Variants in TSPAN15 observed in about 807,000 individuals in gnomAD.
The protein encoded by TSPAN15 is tetraspanin-15.
In TSPAN15, 20 loss-of-function variants were observed where a neutral mutation model predicts 34.5. The ratio of observed to expected loss-of-function variants is 0.58; its 90% CI spans 0.41 to 0.84. TSPAN15 has a LOEUF of 0.84. Among genes scored for constraint, TSPAN15 ranks in the 40% least tolerant of loss-of-function variants. The pLI, the probability that TSPAN15 is intolerant of heterozygous loss-of-function variation, is 0.00. For missense variants in TSPAN15, 313 were observed against 386.1 expected, an observed-to-expected ratio of 0.81 and a Z score of 1.59; for synonymous variants, 155 against 153.9, an observed-to-expected ratio of 1.01 and a Z score of -0.05.
the TSPAN15 span, among the ~76,000 whole-genome samples, chr10:69,546,100 T>C: frequency 1.3e-5 from 2 of 152,230 alleles, no homozygotes; most frequent in African/African-American, 2.4e-5. Context: ...CTTCACCTCC[T>C]TGTGGCATTT....
At chr10:69,539,557 G>C in the TSPAN15 span, among the ~76,000 whole-genome samples, 1 of 90,220 alleles carries the variant, frequency 1.1e-5, no homozygotes, top group African/African-American at 4.0e-5. Flanking sequence ...GAAGGAGAAG[G>C]AGAAGGAGAA....
the TSPAN15 span, among the ~76,000 whole-genome samples, chr10:69,539,563 G>GAGAAGGAGAAGAAGAAGAAGA: frequency 9.9e-6 from 1 of 101,512 alleles, no homozygotes; most frequent in African/African-American, 3.4e-5. Context: ...GAAGGAGAAG[G>GAGAAGGAGAAGAAGAAGAAGA]AGAAGAAGAC....
intron 5 of TSPAN15, among the ~76,000 whole-genome samples, chr10:69,503,945 G>A (rs1842265508): frequency 6.6e-6 from 1 of 152,164 alleles, no homozygotes; most frequent in Non-Finnish European, 1.5e-5. Context: ...AGCACTCTCC[G>A]CTGGTGGAGC....
At chr10:69,539,089 A>T in the TSPAN15 span, among the ~76,000 whole-genome samples, 1 of 152,146 alleles carries the variant, frequency 6.6e-6, no homozygotes, top group Admixed American at 6.5e-5. Context: ...TCTTTTGGAG[A>T]CAGAGAGCAG....
At chr10:69,484,650 G>C (rs780238758) in intron 2 of TSPAN15, among the ~76,000 whole-genome samples, 7 of 152,202 alleles carry the variant, frequency 4.6e-5, no homozygotes, top group Admixed American at 1.3e-4. Flanking sequence ...GGTAATGCCT[G>C]CTCTCTAGTA....
chr10:69,519,948 T>A, the TSPAN15 span, among the ~76,000 whole-genome samples: 1 of 152,152 alleles, frequency 6.6e-6, no homozygotes, highest in African/African-American at 2.4e-5. Context: ...GCCAGGCTGG[T>A]CTTGAAGTCC....
the TSPAN15 span, among the ~76,000 whole-genome samples, chr10:69,533,461 G>A: frequency 6.6e-6 from 1 of 152,170 alleles, no homozygotes. Flanking sequence ...TGGGAGCCAA[G>A]CTATGAGGAC....
chr10:69,470,526 T>C (rs977261050), intron 1 of TSPAN15, among the ~76,000 whole-genome samples: 1 of 152,170 alleles, frequency 6.6e-6, no homozygotes, highest in Non-Finnish European at 1.5e-5. Flanking sequence ...TCACCTCACA[T>C]TGGTCACCAC....
chr10:69,497,505 C>CA (rs1191453351), intron 4 of TSPAN15, among the ~76,000 whole-genome samples: 2 of 152,216 alleles, frequency 1.3e-5, no homozygotes, highest in Non-Finnish European at 2.9e-5. Flanking sequence ...ATCCTCTCTA[C>CA]AAAGAGCCCT....
chr10:69,451,888 G>T (rs12413529), intron 1 of TSPAN15, among the ~76,000 whole-genome samples, 198 bp downstream of exon 1: 34,370 of 152,054 alleles, frequency 0.23, 3,894 homozygotes, highest in Non-Finnish European at 0.25. Context: ...TCGGGAGTGT[G>T]AGAGCCGGTT....
chr10:69,539,979 CAG>C, the TSPAN15 span, among the ~76,000 whole-genome samples: 4 of 150,170 alleles, frequency 2.7e-5, no homozygotes, highest in Non-Finnish European at 4.4e-5. Flanking sequence ...TTTTTTGAGA[CAG>C]AGTCTCACTG....
the TSPAN15 span, among the ~76,000 whole-genome samples, chr10:69,539,490 GA>G: frequency 2.8e-4 from 17 of 60,782 alleles, 1 homozygote; most frequent in African/African-American, 9.9e-4. Flanking sequence ...AGGAGAAGAA[GA>G]AGAAGAAGAA....
At chr10:69,472,328 C>T (rs191842259) in intron 1 of TSPAN15, among the ~76,000 whole-genome samples, 33 of 152,236 alleles carry the variant, frequency 2.2e-4, no homozygotes, top group South Asian at 8.3e-4. Flanking sequence ...AAATGGACTC[C>T]GTTCAAACGT....
intron 1 of TSPAN15, among the ~76,000 whole-genome samples, chr10:69,469,813 G>A (rs1841467430): frequency 6.6e-6 from 1 of 152,124 alleles, no homozygotes; most frequent in South Asian, 2.1e-4. Context: ...CAGAGTGCTA[G>A]GATTACAAGC....
chr10:69,537,470 C>T, the TSPAN15 span, among the ~76,000 whole-genome samples: 1 of 152,142 alleles, frequency 6.6e-6, no homozygotes, highest in Non-Finnish European at 1.5e-5. Context: ...TATGGAGGCC[C>T]GAAGTCTGAG....
intron 3 of TSPAN15, 63 bp from the exon 4 acceptor site, chr10:69,495,531 A>T: frequency 7.9e-7 from 1 of 1,266,758 alleles, no homozygotes; most frequent in Non-Finnish European, 1.2e-6. Context: ...GCTTCTGGAA[A>T]ACCTTGGGTT....
chr10:69,471,823 A>T (rs1023600479), intron 1 of TSPAN15, among the ~76,000 whole-genome samples: 3 of 152,062 alleles, frequency 2.0e-5, no homozygotes, highest in African/African-American at 7.2e-5. Flanking sequence ...AAACTTCTGG[A>T]CTCAAGTGAA....
At position 69,506,928 on chromosome 10, in the gene TSPAN15, C is replaced by G; in HGVS notation, c.835C>G (p.Pro279Ala). The G allele has an allele frequency of 6.2e-7, 1 of 1,609,912 alleles. No homozygotes were observed. Among genetic ancestry groups the G allele is most frequent in the Non-Finnish European group, 8.5e-7 (1 of 1,178,680 alleles). Residue 279 changes from proline (P) to alanine (A), a missense_variant, in exon 8 of 8, where the codon CCC becomes GCC. Transcript: ENST00000373290. The surrounding 1 kb of genome is among the most constrained non-coding windows in gnomAD (Gnocchi z 4.7). Reference protein sequence around the residue: ...TDGLLGPGAKPSVEAAGTGCC... With the variant: ...TDGLLGPGAKASVEAAGTGCC... ...TGGGCTCCTGGGGCCCGGTGCCAAGCCCAGCGTGGAGGCGGCAGGCACGGG... is the reference window on the plus strand; with the variant it reads ...TGGGCTCCTGGGGCCCGGTGCCAAGGCCAGCGTGGAGGCGGCAGGCACGGG...
chr10:69,507,194 G>A lies in TSPAN15; in HGVS notation c.*216G>A. 1 of 1,418,164 alleles carries A rather than the reference G, an allele frequency of 7.1e-7. No individual in the cohort carries two copies. Among genetic ancestry groups the A allele is most frequent in the Non-Finnish European group, 9.2e-7 (1 of 1,092,242 alleles). The allele number at this position is 1,418,164 out of a possible 1,614,324, so 87.8% of individuals were successfully genotyped here. A position where few individuals can be genotyped will look rare whatever the true frequency, so the allele number is the denominator to read the frequency against. ...AGAGGCTTTCCCCGAGGCAGCTCTG[G>A]AATCTGTGCCCACCTGGGGCCTGGG... On this transcript the variant is annotated 3_prime_UTR_variant, in exon 8 of 8. Transcript: ENST00000373290.
Sources: allele counts gnomAD v4.1 joint callset (sites outside exome capture counted in the v4.1 genomes callset), GRCh38; gene constraint gnomAD v4.1.1; non-coding constraint Gnocchi (gnomAD v3.1); transcripts MANE v1.5; gene names NCBI Gene and HGNC (gene_info 2026-07-23, HGNC 2026-07-21).